The following PDE4B variants were observed in gnomAD, a reference collection of about 807,000 sequenced individuals.
The protein encoded by PDE4B is phosphodiesterase 4B, also known as 3',5'-cyclic-AMP phosphodiesterase 4B.
PDE4B carries 20 observed loss-of-function variants against 82.2 expected under a neutral mutation model. That is an observed-to-expected ratio of 0.24 (90% confidence interval 0.17 to 0.35). PDE4B has a LOEUF of 0.35. Ranked by LOEUF, PDE4B falls within the 10% of genes least tolerant of loss-of-function variation. PDE4B has a pLI of 1.00. For missense variants in PDE4B, 655 were observed against 907.2 expected (o/e 0.72, Z 3.57); for synonymous variants, 320 against 318.9 (o/e 1.00, Z -0.04).
chr1:65,829,653 G>GA (rs1646058870), intron 1 of PDE4B, among the ~76,000 whole-genome samples: 1 of 152,194 alleles, frequency 6.6e-6, no homozygotes, highest in African/African-American at 2.4e-5. Context: ...AAGATCTATT[G>GA]AAAATCCTTC....
chr1:65,996,996 T>C (rs896572584), intron 3 of PDE4B, among the ~76,000 whole-genome samples: 1 of 152,174 alleles, frequency 6.6e-6, no homozygotes, highest in African/African-American at 2.4e-5. Flanking sequence ...CTGGTACTTG[T>C]CACACAGTGT....
At chr1:66,192,221 T>C (rs1212237328) in intron 3 of PDE4B, among the ~76,000 whole-genome samples, 1 of 152,170 alleles carries the variant, frequency 6.6e-6, no homozygotes, top group South Asian at 2.1e-4. Flanking sequence ...AATTGAAGAC[T>C]CTTTTGTGAT....
In PDE4B at chr1:66,061,153, C is replaced by T. The variant is rs1172922326; in HGVS notation, c.281+142318C>T. ...ATTACATGTGGTCTTTAGCAAGAAA[C>T]ATGAACTCAGGAGGATGACAGATTT... is the stretch of plus-strand genomic sequence containing the variant. On this transcript the variant is annotated intron_variant, in intron 3 of 16. Coordinates refer to ENST00000341517, the MANE Select transcript of PDE4B (RefSeq NM_002600.4). 2.0e-5 allele frequency among the ~76,000 whole-genome samples: 3 copies of T among 150,780 alleles called. No individual in the cohort carries two copies. In the East Asian group the frequency reaches 5.8e-4, roughly 29 times the overall value.
chr1:65,905,047 T>C (rs897117114), intron 1 of PDE4B, among the ~76,000 whole-genome samples: 5 of 152,172 alleles, frequency 3.3e-5, no homozygotes, highest in Non-Finnish European at 5.9e-5. Context: ...GCAAGAGGCC[T>C]CAAGCCTATC....
intron 1 of PDE4B, among the ~76,000 whole-genome samples, chr1:65,828,517 AT>A (rs1646044919): frequency 6.6e-6 from 1 of 152,178 alleles, no homozygotes; most frequent in African/African-American, 2.4e-5. Flanking sequence ...AAGTGCTGGG[AT>A]TACAGGGGTG....
chr1:65,833,104 A>C (rs1471193877), intron 1 of PDE4B, among the ~76,000 whole-genome samples: 1 of 152,210 alleles, frequency 6.6e-6, no homozygotes, highest in Non-Finnish European at 1.5e-5. Flanking sequence ...TTTAAGGATG[A>C]TTTGTTACCA....
intron 1 of PDE4B, among the ~76,000 whole-genome samples, chr1:65,849,796 C>T (rs1405720400): frequency 6.6e-6 from 1 of 152,176 alleles, no homozygotes; most frequent in East Asian, 1.9e-4. Context: ...CCCCTTTTCT[C>T]TATTGTCTTT....
chr1:66,003,104 G>A (rs975764543), intron 3 of PDE4B, among the ~76,000 whole-genome samples: 6 of 152,014 alleles, frequency 3.9e-5, no homozygotes, highest in African/African-American at 1.2e-4. Context: ...TGTATGGACT[G>A]TGCCAATTTG....
At chr1:66,216,220 A>G (rs1179176096) in intron 3 of PDE4B, among the ~76,000 whole-genome samples, 1 of 149,878 alleles carries the variant, frequency 6.7e-6, no homozygotes, top group Non-Finnish European at 1.5e-5. Context: ...TATAATATAA[A>G]TAATTTTTAT....
chr1:65,949,955 A>C (rs922101657), intron 3 of PDE4B, among the ~76,000 whole-genome samples: 7 of 152,050 alleles, frequency 4.6e-5, no homozygotes, highest in Non-Finnish European at 1.5e-5. Context: ...AGACCTGCCT[A>C]GACTGAGATC....
At chr1:66,242,780 T>C (rs1472708771) in intron 3 of PDE4B, among the ~76,000 whole-genome samples, 2 of 152,234 alleles carry the variant, frequency 1.3e-5, no homozygotes, top group African/African-American at 2.4e-5. Context: ...GCTTCAGTTA[T>C]GTTTCTCCCT....
intron 8 of PDE4B, among the ~76,000 whole-genome samples, chr1:66,349,815 C>T (rs750912389): frequency 3.9e-5 from 6 of 152,038 alleles, no homozygotes; most frequent in Non-Finnish European, 7.4e-5. Context: ...ACACTATATC[C>T]CTCATTCTGT....
intron 8 of PDE4B, 140 bp from the exon 9 acceptor site, chr1:66,355,387 A>G (rs1004453990): frequency 2.1e-6 from 1 of 471,810 alleles, no homozygotes; most frequent in Non-Finnish European, 3.8e-6. Flanking sequence ...GAAGAGATAT[A>G]TTTTGTAGAA....
At chr1:65,915,887 C>T (rs992545031) in intron 2 of PDE4B, among the ~76,000 whole-genome samples, 1 of 152,062 alleles carries the variant, frequency 6.6e-6, no homozygotes, top group Admixed American at 6.6e-5. Flanking sequence ...TTTTGGAAAC[C>T]ATGATACATT....
rs186289066 is a variant in PDE4B at position 65,827,030 on chromosome 1, A to G, written c.-71+33782A>G. Among the ~76,000 whole-genome samples, 48 of 152,364 alleles carry G rather than the reference A, an allele frequency of 3.2e-4. No individual in the cohort carries two copies. In the East Asian group the frequency reaches 8.5e-3, roughly 27 times the overall value. ...AAAAATTACTGCATACATTAAGCAC[A>G]GGGTATCACTAGAGAAATTTGAATT... On this transcript the variant is annotated intron_variant, in intron 1 of 16. Transcript: ENST00000341517.
chr1:65,886,152 CA>C (rs1381583994), intron 1 of PDE4B, among the ~76,000 whole-genome samples: 1 of 150,542 alleles, frequency 6.6e-6, no homozygotes, highest in Non-Finnish European at 1.5e-5. Flanking sequence ...ATTGTTAAAA[CA>C]AAAAAATAAA....
At chr1:65,951,094 G>GTCAA (rs1279707878) in intron 3 of PDE4B, among the ~76,000 whole-genome samples, 4 of 152,016 alleles carry the variant, frequency 2.6e-5, no homozygotes, top group African/African-American at 4.8e-5. Context: ...CTGGTCTGCT[G>GTCAA]TCAACTCTTC....
chr1:66,356,105 G>C (rs1439083122), intron 9 of PDE4B, among the ~76,000 whole-genome samples: 1 of 152,110 alleles, frequency 6.6e-6, no homozygotes, highest in African/African-American at 2.4e-5. Context: ...AATAAGCTTT[G>C]GAAATAATTT....
At chr1:65,911,902 G>C (rs994218959) in intron 1 of PDE4B, among the ~76,000 whole-genome samples, 1 of 152,052 alleles carries the variant, frequency 6.6e-6, no homozygotes, top group African/African-American at 2.4e-5. Context: ...TGGTTTCCTG[G>C]GTGATGGTAC....
Sources: gnomAD v4.1 joint callset for allele counts (sites outside exome capture counted in the v4.1 genomes callset) on GRCh38, gnomAD v4.1.1 for gene constraint, MANE v1.5 for transcripts, NCBI Gene and HGNC (gene_info 2026-07-23, HGNC 2026-07-21) for gene names.